The following LAMA3 variants were observed in gnomAD, a reference collection of about 807,000 sequenced individuals.
LAMA3 encodes the protein laminin subunit alpha 3.
A neutral mutation model predicts 402.0 loss-of-function variants in LAMA3; 281 were observed. The ratio of observed to expected loss-of-function variants is 0.70; its 90% CI spans 0.63 to 0.77. The LOEUF (loss-of-function observed/expected upper bound fraction) is 0.77. LAMA3 is among the 30% of genes least tolerant of loss of function. LAMA3 has a pLI of 0.00. For synonymous variants in LAMA3, 1,431 were observed against 1,558.4 expected (o/e 0.92, Z 1.93); for missense variants, 3,840 against 4,215.5 (o/e 0.91, Z 2.47).
chr18:23,886,248 T>C (rs996977753), intron 41 of LAMA3, among the ~76,000 whole-genome samples: 4 of 152,198 alleles, frequency 2.6e-5, no homozygotes, highest in African/African-American at 7.2e-5. Flanking sequence ...TTTTGCAAAA[T>C]TGCCCTCCAG....
At chr18:23,739,911 T>C (rs570686321) in intron 2 of LAMA3, among the ~76,000 whole-genome samples, 2 of 152,374 alleles carry the variant, frequency 1.3e-5, no homozygotes, top group South Asian at 2.1e-4. Flanking sequence ...GTTATTAAAG[T>C]TGAGTTAGTT....
At chr18:23,819,549 G>T (rs1480835774) in intron 18 of LAMA3, among the ~76,000 whole-genome samples, 1 of 152,170 alleles carries the variant, frequency 6.6e-6, no homozygotes, top group Non-Finnish European at 1.5e-5. Context: ...TTGCTAAATT[G>T]TTGGCAACTA....
Position 23,837,071 on chromosome 18 carries a change from C to T in LAMA3, c.3075C>T (p.His1025=). ...ATGCAGACATTCAGCTCAAGGGACA[C>T]ATGGCCCGATTCCTTCTGGTATGCT... is the stretch of plus-strand genomic sequence containing the variant. The part of the protein sequence containing the change: ...LADADIQLKG[H]MARFLLHQVC... Residue 1025 remains histidine, a synonymous_variant, in exon 25 of 75, where the codon CAC becomes CAT. Coordinates refer to ENST00000313654, the MANE Select transcript of LAMA3 (RefSeq NM_198129.4). 6.2e-7 allele frequency: 1 copy of T among 1,610,788 alleles called. No individual in the cohort carries two copies. The highest frequency in any genetic ancestry group is 1.1e-5 in the South Asian group (1 of 90,982).
At chr18:23,771,350 C>T (rs2062194308) in intron 8 of LAMA3, among the ~76,000 whole-genome samples, 1 of 152,154 alleles carries the variant, frequency 6.6e-6, no homozygotes, top group Non-Finnish European at 1.5e-5. Context: ...AATTCTGAAA[C>T]AGGTAAAAGT....
chr18:23,868,001 G>C, intron 37 of LAMA3, 84 bp downstream of exon 37: 2 of 1,075,232 alleles, frequency 1.9e-6, no homozygotes, highest in African/African-American at 1.6e-5. Context: ...CTCATTTTAA[G>C]AATTGTAAAA....
At chr18:23,718,532 A>G (rs1480587221) in intron 2 of LAMA3, among the ~76,000 whole-genome samples, 1 of 152,178 alleles carries the variant, frequency 6.6e-6, no homozygotes, top group East Asian at 1.9e-4. Context: ...CTCACCCCCA[A>G]CATCAAGCCC....
intron 38 of LAMA3, among the ~76,000 whole-genome samples, chr18:23,874,424 T>C (rs1377524516): frequency 6.6e-6 from 1 of 152,246 alleles, no homozygotes; most frequent in African/African-American, 2.4e-5. Flanking sequence ...GCAAGCCTGT[T>C]CATATAACAA....
In LAMA3 at chr18:23,689,984, G is replaced by A; in HGVS notation, c.294+7G>A. On this transcript the variant is annotated splice_region_variant and intron_variant, in intron 1 of 74. Coordinates refer to ENST00000313654, the MANE Select transcript of LAMA3 (RefSeq NM_198129.4). ...CAGCGGCCACACCATCCAGGTGAGG[G>A]CCTCGGAGAGAGCCGGGGTGGGCGC... The A allele has an allele frequency of 6.9e-7, 1 of 1,443,070 alleles. No homozygotes were observed. The highest frequency in any genetic ancestry group is 9.1e-7 in the Non-Finnish European group (1 of 1,093,754). 89.4% of individuals were successfully genotyped at this position (1,443,070 alleles called of 1,614,324 possible).
At chr18:23,702,481 G>T (rs958904282) in intron 1 of LAMA3, among the ~76,000 whole-genome samples, 1 of 152,078 alleles carries the variant, frequency 6.6e-6, no homozygotes, top group Non-Finnish European at 1.5e-5. Context: ...GCACCACCAT[G>T]CCCGGCTAAT....
At chr18:23,921,987 G>A (rs1055419757) in intron 62 of LAMA3, among the ~76,000 whole-genome samples, 9 of 152,240 alleles carry the variant, frequency 5.9e-5, no homozygotes, top group Non-Finnish European at 1.3e-4. Context: ...CCTTCAGGGA[G>A]CCTCTGGAAG....
At position 23,899,473 on chromosome 18, in the gene LAMA3, T is replaced by C; in HGVS notation, c.6004+18T>C. The C allele has an allele frequency of 6.2e-7, 1 of 1,612,918 alleles. No individual in the cohort carries two copies. Among genetic ancestry groups the C allele is most frequent in the South Asian group, 1.1e-5 (1 of 90,940 alleles). Reference sequence around the variant, plus strand: ...GCAGCTCTGTAAGAATGCTCCCAAATTCTTGCATCCAGTCCATTCTAATTG... The same window carrying C: ...GCAGCTCTGTAAGAATGCTCCCAAACTCTTGCATCCAGTCCATTCTAATTG... On this transcript the variant is annotated intron_variant, in intron 47 of 74. Transcript: ENST00000313654.
intron 12 of LAMA3, chr18:23,795,981 A>G: frequency 2.9e-6 from 1 of 341,572 alleles, no homozygotes; most frequent in Non-Finnish European, 5.8e-6. Context: ...AAGAGACACA[A>G]GATAGCTCGT....
At chr18:23,919,097 T>A (rs368156503) in intron 60 of LAMA3, among the ~76,000 whole-genome samples, 2 of 152,208 alleles carry the variant, frequency 1.3e-5, no homozygotes, top group East Asian at 3.8e-4. Flanking sequence ...ATAATACCAT[T>A]ACATAAGAAA....
chr18:23,738,868 G>A (rs1009810521), intron 2 of LAMA3, among the ~76,000 whole-genome samples: 4 of 152,246 alleles, frequency 2.6e-5, no homozygotes, highest in African/African-American at 9.6e-5. Context: ...CCCAGCGGGT[G>A]CATCCCTGCT....
chr18:23,857,074 T>G (rs1266718968), intron 32 of LAMA3, among the ~76,000 whole-genome samples: 1 of 152,210 alleles, frequency 6.6e-6, no homozygotes, highest in Non-Finnish European at 1.5e-5. Context: ...CACTGCCTCA[T>G]GGGTTCCCAG....
At chr18:23,838,629 C>A in intron 25 of LAMA3, 152 bp from the exon 26 acceptor site, 1 of 674,096 alleles carries the variant, frequency 1.5e-6, no homozygotes, top group South Asian at 1.6e-5. Flanking sequence ...GAGGACATGC[C>A]ATCCTGCAAT....
intron 19 of LAMA3, 42 bp downstream of exon 19, chr18:23,820,039 A>G (rs771539100): frequency 2.4e-5 from 38 of 1,606,548 alleles, no homozygotes; most frequent in Non-Finnish European, 3.2e-5. Context: ...TGAGTAGCTC[A>G]GATACTTCCC....
intron 63 of LAMA3, among the ~76,000 whole-genome samples, 190 bp from the exon 64 acceptor site, chr18:23,928,435 A>C (rs2082071074): frequency 6.6e-6 from 1 of 152,256 alleles, no homozygotes; most frequent in African/African-American, 2.4e-5. Context: ...GGAAAGTAGG[A>C]AGACCAACTA....
At chr18:23,912,981 A>G (rs2081486261) in intron 56 of LAMA3, 100 bp downstream of exon 56, 5 of 1,100,984 alleles carry the variant, frequency 4.5e-6, no homozygotes, top group Non-Finnish European at 6.9e-6. Context: ...CCATTAGCAC[A>G]GCAGGCAGAA....
Sources: allele counts gnomAD v4.1 joint callset (sites outside exome capture counted in the v4.1 genomes callset), GRCh38; gene constraint gnomAD v4.1.1; transcripts MANE v1.5; gene names NCBI Gene and HGNC (gene_info 2026-07-23, HGNC 2026-07-21).